Variants in ZNF510 observed in about 807,000 individuals in gnomAD.
ZNF510 encodes the protein zinc finger protein 510.
ZNF510 carries 15 observed loss-of-function variants against 18.1 expected under a neutral mutation model. The observed-to-expected ratio is 0.83, with a 90% CI of 0.55 to 1.28. The LOEUF (loss-of-function observed/expected upper bound fraction) is 1.28, where lower values mean the gene tolerates loss of function less well. ZNF510 is among the 50% of genes most tolerant of loss of function. The pLI is 0.00. For missense variants in ZNF510, 724 were observed against 791.8 expected (o/e 0.91, Z 1.03); for synonymous variants, 261 against 266.4 (o/e 0.98, Z 0.20).
intron 5 of ZNF510, chr9:96,762,891 C>T (rs2117961654): frequency 2.4e-6 from 1 of 411,810 alleles, no homozygotes; most frequent in Admixed American, 3.7e-5. Flanking sequence ...GCACTACATA[C>T]ATATTATGCT....
In ZNF510 at chr9:96,759,620, A is replaced by G; in HGVS notation, c.1210T>C (p.Tyr404His). Residue 404 changes from tyrosine (Y) to histidine (H), a missense_variant, in exon 6 of 6, where the codon TAT (tyrosine) becomes CAT (histidine). Tyr to His is a moderately conservative substitution (Grantham distance 83, BLOSUM62 2). Transcript: ENST00000223428. ...RRRSHSMMKP[Y>H]KCNECGKSFC... ...GATTTCCCACATTCATTACATTTAT[A>G]GGGTTTCATCATTGAGTGACTTCTT... 1 of 1,613,862 alleles carries G rather than the reference A, an allele frequency of 6.2e-7. No homozygotes were observed. Among genetic ancestry groups the G allele is most frequent in the East Asian group, 2.2e-5 (1 of 44,870 alleles).
rs186203959 is a variant in ZNF510 at position 96,775,881 on chromosome 9, C to G, written c.70+119G>C. The stretch of plus-strand genomic sequence containing the variant: ...GGGGCTCTATGAGGAGGATTAGAGA[C>G]AATTTCCTCAGCCCTGGCTGGTTAT... On this transcript the variant is annotated intron_variant, in intron 2 of 5. Coordinates refer to ENST00000223428, the MANE Select transcript of ZNF510 (RefSeq NM_014930.3). 2.0e-3 allele frequency: 2,587 copies of G among 1,314,010 alleles called. 7 individuals carry two copies. Among genetic ancestry groups the G allele is most frequent in the Non-Finnish European group, 2.0e-3 (1,948 of 970,014 alleles). 81.4% of individuals were successfully genotyped at this position (1,314,010 alleles called of 1,614,324 possible). A position where few individuals can be genotyped will look rare whatever the true frequency, so the allele number is the denominator to read the frequency against.
intron 3 of ZNF510, 187 bp from the exon 4 acceptor site, chr9:96,763,819 G>A: frequency 1.9e-6 from 1 of 524,966 alleles, no homozygotes; most frequent in Admixed American, 3.8e-5. Context: ...TTATAGGAGA[G>A]GTGCAGTGGC....
intron 4 of ZNF510, 142 bp from the exon 5 acceptor site, chr9:96,763,355 C>G: frequency 1.6e-6 from 2 of 1,270,994 alleles, no homozygotes; most frequent in Non-Finnish European, 1.1e-6. Context: ...CACATTCTTT[C>G]TAGTCCTCGA....
chr9:96,770,238 G>A (rs77068603), intron 3 of ZNF510, among the ~76,000 whole-genome samples: 5,870 of 152,156 alleles, frequency 0.039, 283 homozygotes, highest in African/African-American at 0.1. Flanking sequence ...AAAAAGGAAT[G>A]ATGTACTGAT....
At chr9:96,766,086 T>A (rs1324296162) in intron 3 of ZNF510, among the ~76,000 whole-genome samples, 1 of 152,190 alleles carries the variant, frequency 6.6e-6, no homozygotes, top group Non-Finnish European at 1.5e-5. Context: ...ATTTCTCCTC[T>A]GAGTAATGGT....
intron 5 of ZNF510, among the ~76,000 whole-genome samples, 184 bp from the exon 6 acceptor site, chr9:96,760,661 G>A (rs1000790698): frequency 6.6e-6 from 1 of 151,982 alleles, no homozygotes; most frequent in African/African-American, 2.4e-5. Flanking sequence ...TTGATATAGT[G>A]CAAATGGGAG....
chr9:96,758,649 C>T lies in ZNF510; in HGVS notation c.*129G>A, dbSNP rs1428884967. 3.2e-6 allele frequency: 3 copies of T among 942,028 alleles called. No individual in the cohort carries two copies. The East Asian group carries it at 7.8e-5, about 24-fold the overall frequency. 58.4% of individuals were successfully genotyped at this position (942,028 alleles called of 1,614,324 possible). A position where few individuals can be genotyped will look rare whatever the true frequency, so the allele number is the denominator to read the frequency against. The stretch of plus-strand genomic sequence containing the variant: ...ATCTGGTTTCTTTCCTATGTGAATT[C>T]TCTGATTCACAGTGAGGGTTTACTT... On this transcript the variant is annotated 3_prime_UTR_variant, in exon 6 of 6. Coordinates refer to ENST00000223428, the MANE Select transcript of ZNF510 (RefSeq NM_014930.3).
In ZNF510 at chr9:96,774,797, G is replaced by A. The variant is rs375527650; in HGVS notation, c.120C>T (p.Asn40=). The part of the protein sequence containing the change: ...STLFQEQQKM[N]ISQASVSFKD... ...TTAGTAATTAACTCACCTGAGATAT[G>A]TTCATTTTCTGCTGCTCCTGAAAGA... The change falls in exon 3 of 6, where the codon AAC becomes AAT. Residue 40 remains asparagine, a synonymous_variant. Coordinates refer to ENST00000223428, the MANE Select transcript of ZNF510 (RefSeq NM_014930.3). The A allele has an allele frequency of 2.5e-6, 4 of 1,613,484 alleles. No individual in the cohort carries two copies. The highest frequency in any genetic ancestry group is 2.7e-5 in the African/African-American group (2 of 74,898).
Position 96,755,659 on chromosome 9 carries a change from G to A in ZNF510, c.*3119C>T, listed in dbSNP as rs149907184. ...GATGGGTATTATGGTTCCTATACAT[G>A]CCAGTCCTATTCACAAAATGATGTT... is the stretch of plus-strand genomic sequence containing the variant. On this transcript the variant is annotated 3_prime_UTR_variant, in exon 6 of 6. Coordinates refer to ENST00000223428, the MANE Select transcript of ZNF510 (RefSeq NM_014930.3). Among the ~76,000 whole-genome samples the A allele has an allele frequency of 2.5e-3, 387 of 152,204 alleles. 2 individuals carry two copies. Among genetic ancestry groups the A allele is most frequent in the Middle Eastern group, 0.014 (4 of 294 alleles).
At chr9:96,771,687 CA>C (rs1177379378) in intron 3 of ZNF510, among the ~76,000 whole-genome samples, 7 of 151,302 alleles carry the variant, frequency 4.6e-5, no homozygotes, top group African/African-American at 9.7e-5. Flanking sequence ...GTCTTTATTG[CA>C]AAAAAAATTT....
chr9:96,773,981 C>T (rs1157500547), intron 3 of ZNF510, among the ~76,000 whole-genome samples: 1 of 152,206 alleles, frequency 6.6e-6, no homozygotes, highest in Non-Finnish European at 1.5e-5. Flanking sequence ...TTTAATCTAC[C>T]CAGTCTGTGG....
At position 96,754,661 on chromosome 9, in the gene ZNF510, A is replaced by C. The variant is rs980039227; in HGVS notation, c.*4117T>G. On this transcript the variant is annotated 3_prime_UTR_variant, in exon 6 of 6. Coordinates refer to ENST00000223428, the MANE Select transcript of ZNF510 (RefSeq NM_014930.3). ...TTAAGAACAAGTTTTAAAAATTTAT[A>C]AAATACCCGTGAATAGGGAACTTAT... 6.6e-6 allele frequency among the ~76,000 whole-genome samples: 1 copy of C among 152,204 alleles called. No individual in the cohort carries two copies. Among genetic ancestry groups the C allele is most frequent in the Non-Finnish European group, 1.5e-5 (1 of 68,028 alleles).
At chr9:96,777,301 G>C (rs1193170884) in intron 1 of ZNF510, among the ~76,000 whole-genome samples, 2 of 152,280 alleles carry the variant, frequency 1.3e-5, no homozygotes, top group Non-Finnish European at 2.9e-5. Flanking sequence ...TGCTGTGAAG[G>C]CTGCAATGCT....
Position 96,756,408 on chromosome 9 carries a change from G to A in ZNF510, c.*2370C>T, listed in dbSNP as rs1849194093. The A allele has an allele frequency of 7.1e-6, 1 of 141,566 alleles. No individual in the cohort carries two copies. Among genetic ancestry groups the A allele is most frequent in the Admixed American group, 6.7e-5 (1 of 14,816 alleles). The allele number at this position is 141,566 out of a possible 1,614,324, so 8.8% of individuals were successfully genotyped here. ...CCAATTACAGTAACCTCTATGAATT[G>A]AGGGCTCTACTAAGCCAGCAACTTT... On this transcript the variant is annotated 3_prime_UTR_variant, in exon 6 of 6. Coordinates refer to ENST00000223428, the MANE Select transcript of ZNF510 (RefSeq NM_014930.3).
At chr9:96,777,161 G>C (rs1849720294) in intron 1 of ZNF510, among the ~76,000 whole-genome samples, 1 of 152,154 alleles carries the variant, frequency 6.6e-6, no homozygotes, top group Admixed American at 6.5e-5. Context: ...GGTGGCAGGG[G>C]CCTCAGTCTA....
At position 96,754,889 on chromosome 9, in the gene ZNF510, G is replaced by T. The variant is rs1030730342; in HGVS notation, c.*3889C>A. Among the ~76,000 whole-genome samples the T allele has an allele frequency of 1.3e-5, 2 of 152,148 alleles. No homozygotes were observed. Among genetic ancestry groups the T allele is most frequent in the Non-Finnish European group, 2.9e-5 (2 of 68,020 alleles). On this transcript the variant is annotated 3_prime_UTR_variant, in exon 6 of 6. Coordinates refer to ENST00000223428, the MANE Select transcript of ZNF510 (RefSeq NM_014930.3). ...CCTGCCTTGTTTTCTATCTTTATTA[G>T]CTTGAAGGCCCTTAGTGGGTGGGCA...
rs1383672069 is a variant in ZNF510 at position 96,760,473 on chromosome 9, ATCT to A, written c.354_356del (p.Lys118_Asp119delinsAsn). 8 of 1,590,234 alleles carry A rather than the reference ATCT, an allele frequency of 5.0e-6. No homozygotes were observed. The highest frequency in any genetic ancestry group is 6.8e-6 in the Non-Finnish European group (8 of 1,169,484). ...GCTTGATCAGGTCATCACCTCTGTA[ATCT>A]TCTAAAACAGAAATATTGAAAACAT... is the stretch of plus-strand genomic sequence containing the variant. On this transcript the variant is annotated inframe_deletion and splice_region_variant, in exon 6 of 6. Coordinates refer to ENST00000223428, the MANE Select transcript of ZNF510 (RefSeq NM_014930.3).
At chr9:96,763,337 G>T in intron 4 of ZNF510, 124 bp from the exon 5 acceptor site, 1 of 1,276,442 alleles carries the variant, frequency 7.8e-7, no homozygotes, top group Non-Finnish European at 1.1e-6. Flanking sequence ...ATCACTGGGA[G>T]TTGACAACAC....
Sources: allele counts gnomAD v4.1 joint callset (sites outside exome capture counted in the v4.1 genomes callset), GRCh38; gene constraint gnomAD v4.1.1; transcripts MANE v1.5; gene names NCBI Gene and HGNC (gene_info 2026-07-23, HGNC 2026-07-21).